KALRN: variants seen among roughly 807,000 people sequenced by gnomAD.
KALRN encodes the protein kalirin.
A neutral mutation model predicts 353.7 loss-of-function variants in KALRN; 70 were observed. That is an observed-to-expected ratio of 0.20 (90% confidence interval 0.16 to 0.24). The LOEUF (loss-of-function observed/expected upper bound fraction) is 0.24, where lower values mean the gene tolerates loss of function less well. Among genes scored for constraint, KALRN ranks in the 10% least tolerant of loss-of-function variants. The probability of loss-of-function intolerance (pLI) is 1.00; values close to 1 mark genes in which losing one functional copy is unlikely to be tolerated. For missense variants in KALRN, 2,791 were observed against 3,756.7 expected (o/e 0.74, Z 6.72); for synonymous variants, 1,391 against 1,434.8 (o/e 0.97, Z 0.69).
chr3:124,299,121 A>G lies in KALRN; in HGVS notation c.1092+208A>G, dbSNP rs528140773. ...AGATTATGCCTCCAGATCCTGCTTT[A>G]CACAGTGAAAGAATGTGTCCCGGGT... On this transcript the variant is annotated intron_variant, in intron 6 of 59. Transcript: ENST00000682506. 2.1e-4 allele frequency among the ~76,000 whole-genome samples: 32 copies of G among 152,326 alleles called. No individual in the cohort carries two copies. In the South Asian group the frequency reaches 5.0e-3, roughly 24 times the overall value.
At chr3:124,523,427 A>G (rs1454673889) in intron 33 of KALRN, among the ~76,000 whole-genome samples, 1 of 152,178 alleles carries the variant, frequency 6.6e-6, no homozygotes, top group Non-Finnish European at 1.5e-5. Context: ...TCCACTGGGT[A>G]TTTTACGGAG....
intron 8 of KALRN, among the ~76,000 whole-genome samples, chr3:124,331,210 G>A (rs1450165744): frequency 1.3e-5 from 2 of 152,180 alleles, no homozygotes; most frequent in Admixed American, 6.5e-5. Context: ...CAGCCTAAAT[G>A]TCTATCAACC....
intron 48 of KALRN, among the ~76,000 whole-genome samples, chr3:124,673,230 T>TA (rs11318691): frequency 1.0e-4 from 15 of 148,218 alleles, no homozygotes; most frequent in Admixed American, 4.0e-4. Context: ...AATAAAACTT[T>TA]AAAAAAAAAA....
intron 1 of KALRN, among the ~76,000 whole-genome samples, chr3:124,137,987 G>A (rs182199411): frequency 3.0e-4 from 45 of 152,258 alleles, no homozygotes; most frequent in Admixed American, 2.7e-3. Context: ...AACAAGGGAG[G>A]TCAGAACAGC....
At chr3:124,048,171 C>A (rs1458154838) in intron 1 of KALRN, among the ~76,000 whole-genome samples, 2 of 151,908 alleles carry the variant, frequency 1.3e-5, no homozygotes, top group African/African-American at 4.8e-5. Flanking sequence ...TTATATGGGG[C>A]AATATAGGAA....
chr3:124,394,477 C>T (rs2089909837), intron 11 of KALRN, among the ~76,000 whole-genome samples: 1 of 152,196 alleles, frequency 6.6e-6, no homozygotes, highest in Non-Finnish European at 1.5e-5. Context: ...GTTCAAAACA[C>T]TATACTTTGC....
chr3:124,311,064 CT>C lies in KALRN; in HGVS notation c.1092+12179del, dbSNP rs71145446. On this transcript the variant is annotated intron_variant, in intron 6 of 59. Transcript: ENST00000682506. Reference sequence around the variant, plus strand: ...TCAAAACCACAATGAGATACTACTTCTTTTTTTTTTTTTTTTTTTTTTTTTT... The same window carrying C: ...TCAAAACCACAATGAGATACTACTTCTTTTTTTTTTTTTTTTTTTTTTTTT... Among the ~76,000 whole-genome samples the C allele has an allele frequency of 9.6e-3, 646 of 67,480 alleles. 3 individuals carry two copies. Among genetic ancestry groups the C allele is most frequent in the Admixed American group, 0.027 (125 of 4,714 alleles). 44.3% of individuals were successfully genotyped at this position (67,480 alleles called of 152,430 possible).
At position 124,717,236 on chromosome 3, in the gene KALRN, C is replaced by A. The variant is rs1371719303; in HGVS notation, c.8277-11C>A. The A allele has an allele frequency of 3.2e-6, 5 of 1,584,466 alleles. No individual in the cohort carries two copies. The highest frequency in any genetic ancestry group is 4.3e-6 in the Non-Finnish European group (5 of 1,166,418). Reference sequence around the variant, plus strand: ...AACATATTTCCTTTGCCTTTCCCTGCCTACTTTCAGGATGGATGATGGCCG... The same window carrying A: ...AACATATTTCCTTTGCCTTTCCCTGACTACTTTCAGGATGGATGATGGCCG... On this transcript the variant is annotated splice_polypyrimidine_tract_variant and intron_variant, in intron 58 of 59. Coordinates refer to ENST00000682506, the MANE Select transcript of KALRN (RefSeq NM_001388419.1).
rs370394037 is a variant in KALRN, at chr3:124,193,052, C to G, written c.74-34938C>G. Among the ~76,000 whole-genome samples, 35 of 152,318 alleles carry G rather than the reference C, an allele frequency of 2.3e-4. 1 individual carries two copies. The East Asian group carries it at 5.6e-3, about 24-fold the overall frequency. Reference sequence around the variant, plus strand: ...TTTATTGACCTGACCTAGAATCTATCTGATATTTGATCTAATGTTTACTTG... The same window carrying G: ...TTTATTGACCTGACCTAGAATCTATGTGATATTTGATCTAATGTTTACTTG... On this transcript the variant is annotated intron_variant, in intron 1 of 59. Coordinates refer to ENST00000682506, the MANE Select transcript of KALRN (RefSeq NM_001388419.1).
chr3:124,478,896 A>G (rs2061684763), intron 27 of KALRN, among the ~76,000 whole-genome samples: 1 of 152,166 alleles, frequency 6.6e-6, no homozygotes, highest in Non-Finnish European at 1.5e-5. Context: ...TGTCCTCTCC[A>G]CACAACACAA....
rs1442066818 is a variant in KALRN at position 124,433,614 on chromosome 3, AAAG to A, written c.2830-692_2830-690del. Among the ~76,000 whole-genome samples, 10 of 143,480 alleles carry A rather than the reference AAAG, an allele frequency of 7.0e-5. 1 individual carries two copies. Among genetic ancestry groups the A allele is most frequent in the African/African-American group, 3.0e-4 (10 of 33,856 alleles). The allele number at this position is 143,480 out of a possible 152,430, so 94.1% of individuals were successfully genotyped here. ...CCCTGTCTAAAAAAAAAAAAAAAAA[AAAG>A]GAAAGAAAATAGACCTTCTACATAT... is the stretch of plus-strand genomic sequence containing the variant. On this transcript the variant is annotated intron_variant, in intron 16 of 59. Coordinates refer to ENST00000682506, the MANE Select transcript of KALRN (RefSeq NM_001388419.1).
At chr3:124,526,383 G>A (rs538717278) in intron 33 of KALRN, among the ~76,000 whole-genome samples, 31 of 152,096 alleles carry the variant, frequency 2.0e-4, no homozygotes, top group African/African-American at 7.5e-4. Context: ...GACCAGCATG[G>A]CCAATATAGC....
At chr3:124,256,850 T>C (rs1490170648) in intron 3 of KALRN, among the ~76,000 whole-genome samples, 1 of 152,198 alleles carries the variant, frequency 6.6e-6, no homozygotes, top group Non-Finnish European at 1.5e-5. Context: ...AGTGATTTCA[T>C]GGCAACTTAG....
intron 6 of KALRN, among the ~76,000 whole-genome samples, chr3:124,308,087 AAAG>A (rs776800596): frequency 9.2e-5 from 14 of 152,020 alleles, no homozygotes; most frequent in African/African-American, 2.7e-4. Flanking sequence ...GCAACTTTTT[AAAG>A]AAGAAGAATG....
intron 1 of KALRN, among the ~76,000 whole-genome samples, chr3:124,195,247 A>AGC (rs2075314902): frequency 1.3e-5 from 2 of 152,196 alleles, no homozygotes; most frequent in South Asian, 2.1e-4. Context: ...GCCAGACCTC[A>AGC]CAAGGCCTCA....
intron 33 of KALRN, among the ~76,000 whole-genome samples, chr3:124,517,643 G>A (rs910616007): frequency 1.3e-5 from 2 of 152,072 alleles, no homozygotes; most frequent in Middle Eastern, 3.2e-3. Flanking sequence ...TGCTGGATAT[G>A]GAAGCTGGGT....
In KALRN at chr3:124,586,735, G is replaced by A. The variant is rs532838182; in HGVS notation, c.5182+23646G>A. Among the ~76,000 whole-genome samples the A allele has an allele frequency of 5.8e-4, 88 of 152,176 alleles. 1 individual carries two copies. The highest frequency in any genetic ancestry group is 4.3e-4 in the Non-Finnish European group (29 of 68,026). On this transcript the variant is annotated intron_variant, in intron 34 of 59. Coordinates refer to ENST00000682506, the MANE Select transcript of KALRN (RefSeq NM_001388419.1). ...GACCAGTTTAAAAGGGAAAAGAAGG[G>A]TGGCAAGGTGGGTGCCCGGGGCCTT...
intron 21 of KALRN, among the ~76,000 whole-genome samples, chr3:124,448,683 C>T (rs970382937): frequency 2.0e-5 from 3 of 151,974 alleles, no homozygotes; most frequent in African/African-American, 7.3e-5. Context: ...TGATCCAGCT[C>T]ATCCCTGCAC....
At chr3:124,699,779 G>C in intron 55 of KALRN, 90 bp from the exon 56 acceptor site, 1 of 1,234,206 alleles carries the variant, frequency 8.1e-7, no homozygotes, top group South Asian at 1.3e-5. Flanking sequence ...AATTGAATGT[G>C]TCTATTTTCC....
Sources: allele counts gnomAD v4.1 joint callset (sites outside exome capture counted in the v4.1 genomes callset), GRCh38; gene constraint gnomAD v4.1.1; transcripts MANE v1.5; gene names NCBI Gene and HGNC (gene_info 2026-07-23, HGNC 2026-07-21).